The following PGAP2 variants were observed in gnomAD, a reference collection of about 807,000 sequenced individuals.
PGAP2 encodes post-GPI attachment to proteins 2.
A neutral mutation model predicts 33.2 loss-of-function variants in PGAP2; 21 were observed. The ratio of observed to expected loss-of-function variants is 0.63; its 90% confidence interval spans 0.45 to 0.91. The LOEUF is 0.91. Ranked by LOEUF, PGAP2 falls within the 40% of genes least tolerant of loss-of-function variation. The pLI is 0.00. For synonymous variants in PGAP2, 161 were observed against 172.9 expected (o/e 0.93, Z 0.54); for missense variants, 345 against 424.0 (o/e 0.81, Z 1.64).
chr11:3,808,949 A>C (rs2084999369), intron 1 of PGAP2, among the ~76,000 whole-genome samples: 1 of 152,172 alleles, frequency 6.6e-6, no homozygotes, highest in African/African-American at 2.4e-5. Flanking sequence ...TTGGAACCCC[A>C]TAGAGTAGTT....
chr11:3,803,775 A>G (rs1426114638), upstream of PGAP2, among the ~76,000 whole-genome samples: 1 of 142,382 alleles, frequency 7.0e-6, no homozygotes, highest in East Asian at 2.1e-4. Flanking sequence ...CATTTAACGA[A>G]TTTACTGCTA....
At chr11:3,823,625 C>A (rs1329649012) in intron 3 of PGAP2, 3 of 1,536,988 alleles carry the variant, frequency 2.0e-6, no homozygotes, top group Middle Eastern at 1.7e-4. Flanking sequence ...AGGTTCCAGT[C>A]TGCGGGGGAG....
chr11:3,825,292 G>C lies in PGAP2; in HGVS notation c.818-36G>C, dbSNP rs770124634. 7 of 1,604,342 alleles carry C rather than the reference G, an allele frequency of 4.4e-6. No individual in the cohort carries two copies. The African/African-American group carries it at 8.0e-5, about 18-fold the overall frequency. ...GAGGCCTCTGAGCGGGTAGCTGGAA[G>C]TTCACCATGTCCTGTTCCTTGTGTC... On this transcript the variant is annotated intron_variant, in intron 6 of 6. Transcript: ENST00000278243.
intron 3 of PGAP2, among the ~76,000 whole-genome samples, chr11:3,818,665 T>G (rs2087738003): frequency 6.6e-6 from 1 of 152,196 alleles, no homozygotes; most frequent in Non-Finnish European, 1.5e-5. Context: ...TCTCCCACAA[T>G]CAGTCCACTA....
At chr11:3,797,895 C>G in exon 1 of PGAP2, 2 of 1,549,092 alleles carry the variant, frequency 1.3e-6, no homozygotes, top group Non-Finnish European at 1.7e-6. Flanking sequence ...GGTGACGCAA[C>G]ATAGAGACTC....
intron 1 of PGAP2, among the ~76,000 whole-genome samples, chr11:3,798,942 C>T (rs1333976917): frequency 6.6e-6 from 1 of 152,244 alleles, no homozygotes; most frequent in Non-Finnish European, 1.5e-5. Flanking sequence ...CGCGCCCAGC[C>T]GAACCCCTAC....
At chr11:3,800,092 A>G (rs1191743054) in intron 1 of PGAP2, among the ~76,000 whole-genome samples, 1 of 152,230 alleles carries the variant, frequency 6.6e-6, no homozygotes, top group African/African-American at 2.4e-5. Context: ...TTGGCCAAAT[A>G]GTAAAGTTAC....
intron 2 of PGAP2, among the ~76,000 whole-genome samples, chr11:3,812,538 T>C (rs181101502): frequency 1.3e-5 from 2 of 152,088 alleles, no homozygotes; most frequent in East Asian, 3.9e-4. Flanking sequence ...TGATGAAATG[T>C]GAGGAGCAGA....
exon 1 of PGAP2, chr11:3,797,925 C>A: frequency 6.5e-7 from 1 of 1,548,112 alleles, no homozygotes; most frequent in South Asian, 1.2e-5. Context: ...CCTTGGAGCG[C>A]CGCGACTCGG....
rs1251708094 is a variant in PGAP2, at chr11:3,825,968, T to C, written c.*510T>C. Reference sequence around the variant, plus strand: ...CTAGTCCTGACTTCACCTTTTTGATTTGGTGTGTGCCCTAGGGTATGTACC... The same window carrying C: ...CTAGTCCTGACTTCACCTTTTTGATCTGGTGTGTGCCCTAGGGTATGTACC... On this transcript the variant is annotated 3_prime_UTR_variant, in exon 7 of 7. Transcript: ENST00000278243. 6.3e-6 allele frequency: 1 copy of C among 159,956 alleles called. No homozygotes were observed. Among genetic ancestry groups the C allele is most frequent in the African/African-American group, 2.4e-5 (1 of 41,502 alleles). 9.9% of individuals were successfully genotyped at this position (159,956 alleles called of 1,614,324 possible). A position where few individuals can be genotyped will look rare whatever the true frequency, so the allele number is the denominator to read the frequency against.
chr11:3,803,117 C>T (rs2083737907), intron 1 of PGAP2, among the ~76,000 whole-genome samples: 1 of 151,696 alleles, frequency 6.6e-6, no homozygotes, highest in Non-Finnish European at 1.5e-5. Flanking sequence ...CCTCAGCCTC[C>T]CGAGTAGCTG....
At chr11:3,802,920 G>A (rs11029831) in intron 1 of PGAP2, among the ~76,000 whole-genome samples, 85,337 of 143,718 alleles carry the variant, frequency 0.59, 28,579 homozygotes, top group East Asian at 0.81. Flanking sequence ...TCCGCCTCCC[G>A]GGTTCACGCC....
intron 5 of PGAP2, 94 bp downstream of exon 5, chr11:3,824,470 G>A (rs147579515): frequency 1.3e-5 from 21 of 1,595,068 alleles, no homozygotes; most frequent in Non-Finnish European, 1.7e-5. Flanking sequence ...GGTGGGAACT[G>A]AGTTCTAATG....
Position 3,811,692 on chromosome 11 carries a change from T to A in PGAP2, c.165+268T>A, listed in dbSNP as rs2085615045. On this transcript the variant is annotated intron_variant, in intron 2 of 6. Coordinates refer to ENST00000278243, the MANE Select transcript of PGAP2 (RefSeq NM_014489.4). The surrounding 1 kb of genome is among the most constrained non-coding windows in gnomAD (Gnocchi z 4.6). ...GAGTTTGACACATGTCCCACCCCAT[T>A]TACTTTGATATCCTAGAGAAAGTGG... 6.6e-6 allele frequency among the ~76,000 whole-genome samples: 1 copy of A among 152,080 alleles called. No homozygotes were observed. Among genetic ancestry groups the A allele is most frequent in the Non-Finnish European group, 1.5e-5 (1 of 68,016 alleles).
chr11:3,806,819 C>T (rs1464657049), upstream of PGAP2, among the ~76,000 whole-genome samples: 1 of 151,788 alleles, frequency 6.6e-6, no homozygotes, highest in South Asian at 2.1e-4. Flanking sequence ...GTCAGGAATT[C>T]GAGACCAGCC....
intron 3 of PGAP2, among the ~76,000 whole-genome samples, chr11:3,820,667 A>T (rs2088353628): frequency 6.6e-6 from 1 of 152,094 alleles, no homozygotes; most frequent in African/African-American, 2.4e-5. Context: ...TCTCAAAAAA[A>T]AAAAGAAAAA....
upstream of PGAP2, chr11:3,808,253 A>G (rs961839847): frequency 6.4e-7 from 1 of 1,550,582 alleles, no homozygotes; most frequent in African/African-American, 1.4e-5. Context: ...ATGAGAAAGA[A>G]ATCCGGCCCC....
At chr11:3,824,519 C>A in intron 5 of PGAP2, 143 bp downstream of exon 5, 3 of 1,273,596 alleles carry the variant, frequency 2.4e-6, no homozygotes, top group Non-Finnish European at 2.2e-6. Flanking sequence ...GGGGCTGGGG[C>A]TTGGGAACAA....
chr11:3,817,916 T>C, intron 3 of PGAP2: 1 of 457,140 alleles, frequency 2.2e-6, no homozygotes, highest in South Asian at 1.6e-5. Flanking sequence ...TGCCCTGGCA[T>C]GCCCCTGTAG....
Sources: gnomAD v4.1 joint callset for allele counts (sites outside exome capture counted in the v4.1 genomes callset) on GRCh38, gnomAD v4.1.1 for gene constraint, Gnocchi (gnomAD v3.1) non-coding constraint, MANE v1.5 for transcripts, NCBI Gene and HGNC (gene_info 2026-07-23, HGNC 2026-07-21) for gene names.